Variants in HERC3 observed in about 807,000 individuals in gnomAD.
HERC3 encodes the protein probable E3 ubiquitin-protein ligase HERC3.
Under a neutral mutation model 129.9 loss-of-function variants are expected in HERC3, and 58 were observed. That is an observed-to-expected ratio of 0.45 (90% CI 0.36 to 0.56). The LOEUF is 0.56. HERC3 is among the 20% of genes least tolerant of loss of function. HERC3 has a pLI of 0.00. For missense variants in HERC3, 835 were observed against 1,244.2 expected, an observed-to-expected ratio of 0.67 and a Z score of 4.95; for synonymous variants, 430 against 451.0, an observed-to-expected ratio of 0.95 and a Z score of 0.59.
chr4:88,672,823 A>G (rs552612474), intron 16 of HERC3, among the ~76,000 whole-genome samples: 2 of 152,358 alleles, frequency 1.3e-5, no homozygotes, highest in East Asian at 3.9e-4. Context: ...TAAGCCCTCA[A>G]TAAATATTTT....
chr4:88,603,005 T>C (rs1723183147), intron 2 of HERC3, among the ~76,000 whole-genome samples: 1 of 152,158 alleles, frequency 6.6e-6, no homozygotes, highest in African/African-American at 2.4e-5. Context: ...AATACAGTTA[T>C]TGTAAGGGTG....
At chr4:88,642,428 T>A (rs928719853) in intron 3 of HERC3, among the ~76,000 whole-genome samples, 1 of 152,222 alleles carries the variant, frequency 6.6e-6, no homozygotes, top group African/African-American at 2.4e-5. Context: ...CAACAAATCT[T>A]ATAGCTATGT....
At chr4:88,593,979 T>C (rs1413149534) in intron 1 of HERC3, among the ~76,000 whole-genome samples, 1 of 152,212 alleles carries the variant, frequency 6.6e-6, no homozygotes, top group Admixed American at 6.5e-5. Context: ...TTTTACATCA[T>C]GGTCGTACCG....
chr4:88,670,846 C>G (rs927953233), intron 16 of HERC3, among the ~76,000 whole-genome samples: 4 of 152,066 alleles, frequency 2.6e-5, no homozygotes, highest in African/African-American at 9.7e-5. Context: ...AAGAGTGACT[C>G]TTTAGATGAG....
chr4:88,630,050 T>C (rs550280638), intron 3 of HERC3, among the ~76,000 whole-genome samples: 2 of 152,322 alleles, frequency 1.3e-5, no homozygotes, highest in South Asian at 2.1e-4. Context: ...TGAATAAGTA[T>C]AGCATGTGGT....
the HERC3 span, among the ~76,000 whole-genome samples, chr4:88,555,170 C>A: frequency 6.6e-5 from 10 of 151,720 alleles, no homozygotes; most frequent in Admixed American, 1.3e-4. Context: ...GTAGTCCCAG[C>A]TACTCGGGAG....
In HERC3 at chr4:88,692,857, G is replaced by A. The variant is rs1345105180; in HGVS notation, c.2657+5558G>A. 3.1e-6 allele frequency: 3 copies of A among 983,454 alleles called. No individual in the cohort carries two copies. The African/African-American group carries it at 5.2e-5, about 17-fold the overall frequency. 60.9% of individuals were successfully genotyped at this position (983,454 alleles called of 1,614,324 possible). On this transcript the variant is annotated intron_variant, in intron 23 of 25. Transcript: ENST00000402738. The stretch of plus-strand genomic sequence containing the variant: ...GGTACCAGCATATGGCCTCTCAGGG[G>A]CTAAGGCTGGGGCTCAAGAGTTCCC...
chr4:88,613,369 A>G (rs1457293609), intron 3 of HERC3, among the ~76,000 whole-genome samples: 1 of 152,212 alleles, frequency 6.6e-6, no homozygotes, highest in African/African-American at 2.4e-5. Flanking sequence ...AATTTAATCC[A>G]ATTCACATTC....
chr4:88,603,779 A>G (rs1036845318), intron 2 of HERC3, among the ~76,000 whole-genome samples: 1 of 152,268 alleles, frequency 6.6e-6, no homozygotes, highest in African/African-American at 2.4e-5. Context: ...CAAAAATAAT[A>G]TATTGAAATA....
At chr4:88,671,060 G>A (rs1731561502) in intron 16 of HERC3, among the ~76,000 whole-genome samples, 1 of 151,986 alleles carries the variant, frequency 6.6e-6, no homozygotes, top group Non-Finnish European at 1.5e-5. Context: ...CCGTATTTTA[G>A]ATATGCCATT....
the HERC3 span, among the ~76,000 whole-genome samples, chr4:88,531,117 C>T: frequency 1.3e-5 from 2 of 152,112 alleles, no homozygotes; most frequent in African/African-American, 4.8e-5. Context: ...CTCAGCCTCC[C>T]AAAGTGCTGG....
intron 3 of HERC3, among the ~76,000 whole-genome samples, chr4:88,610,470 AAG>A (rs1553931181): frequency 6.6e-6 from 1 of 150,474 alleles, no homozygotes; most frequent in African/African-American, 2.5e-5. Flanking sequence ...AAAAAAAAAA[AAG>A]AACGCCTTAC....
chr4:88,664,276 C>A, intron 12 of HERC3, 64 bp downstream of exon 12: 2 of 1,321,366 alleles, frequency 1.5e-6, no homozygotes, highest in Non-Finnish European at 2.2e-6. Flanking sequence ...ATTTGGAAGG[C>A]TGACACAGGA....
intron 2 of HERC3, among the ~76,000 whole-genome samples, chr4:88,599,314 T>C (rs1722734434): frequency 6.6e-6 from 1 of 152,154 alleles, no homozygotes; most frequent in Non-Finnish European, 1.5e-5. Flanking sequence ...AGGCCGTATT[T>C]ATAGTTAGGA....
intron 3 of HERC3, among the ~76,000 whole-genome samples, chr4:88,647,317 A>G (rs2149265195): frequency 6.6e-6 from 1 of 152,324 alleles, no homozygotes; most frequent in South Asian, 2.1e-4. Flanking sequence ...TAGGCCATAT[A>G]CTAACATTCA....
chr4:88,609,971 G>A (rs147221569), intron 3 of HERC3, among the ~76,000 whole-genome samples: 26 of 152,254 alleles, frequency 1.7e-4, no homozygotes, highest in Admixed American at 3.9e-4. Context: ...ACTTCCTGCC[G>A]TTGCCATGGC....
intron 3 of HERC3, among the ~76,000 whole-genome samples, chr4:88,629,648 T>C (rs1420183830): frequency 6.6e-6 from 1 of 152,256 alleles, no homozygotes; most frequent in Non-Finnish European, 1.5e-5. Flanking sequence ...TACTGATAGA[T>C]AGTATACTAA....
chr4:88,535,758 T>C, the HERC3 span, among the ~76,000 whole-genome samples: 1 of 152,108 alleles, frequency 6.6e-6, no homozygotes. Context: ...CTAATCCCAA[T>C]TACCTCTCAA....
chr4:88,572,595 G>T, the HERC3 span, among the ~76,000 whole-genome samples: 3 of 151,710 alleles, frequency 2.0e-5, no homozygotes, highest in Non-Finnish European at 4.4e-5. Context: ...TGTATCACGA[G>T]GTCAGGAGAT....
Sources: gnomAD v4.1 joint callset for allele counts (sites outside exome capture counted in the v4.1 genomes callset) on GRCh38, gnomAD v4.1.1 for gene constraint, MANE v1.5 for transcripts, NCBI Gene and HGNC (gene_info 2026-07-23, HGNC 2026-07-21) for gene names.